The following SRPK2 variants were observed in gnomAD, a reference collection of about 807,000 sequenced individuals.
The protein encoded by SRPK2 is SFRS protein kinase 2.
A neutral mutation model predicts 90.8 loss-of-function variants in SRPK2; 21 were observed. The observed-to-expected ratio is 0.23, with a 90% CI of 0.16 to 0.33. SRPK2 has a LOEUF of 0.33. Ranked by LOEUF, SRPK2 falls within the 10% of genes least tolerant of loss-of-function variation. The probability of loss-of-function intolerance (pLI) is 1.00; values close to 1 mark genes in which losing one functional copy is unlikely to be tolerated. For synonymous variants in SRPK2, 288 were observed against 311.1 expected (o/e 0.93, Z 0.78); for missense variants, 620 against 869.0 (o/e 0.71, Z 3.60).
At chr7:105,392,023 A>G (rs565224612), upstream of SRPK2, among the ~76,000 whole-genome samples, 2 of 152,348 alleles carry the variant, frequency 1.3e-5, no homozygotes, top group South Asian at 4.1e-4. Flanking sequence ...TTTTGGCCAT[A>G]AAAAGAATTT....
At chr7:105,146,206 TCTC>T (rs1165143178) in intron 8 of SRPK2, among the ~76,000 whole-genome samples, 2 of 152,206 alleles carry the variant, frequency 1.3e-5, no homozygotes, top group East Asian at 1.9e-4. Flanking sequence ...GTTACTATGT[TCTC>T]CTCTGCAGAG....
At chr7:105,151,243 G>A (rs1477662813) in intron 7 of SRPK2, among the ~76,000 whole-genome samples, 6 of 152,156 alleles carry the variant, frequency 3.9e-5, no homozygotes, top group Non-Finnish European at 8.8e-5. Flanking sequence ...TGGCAACAGG[G>A]CAGCGTTAAA....
upstream of SRPK2, chr7:105,389,288 C>T (rs1389534860): frequency 1.6e-6 from 2 of 1,277,928 alleles, no homozygotes; most frequent in South Asian, 1.3e-5. Context: ...CCGTCCTTGG[C>T]CGGCGCCTCC....
At chr7:105,380,774 G>A (rs1057336215) in intron 2 of SRPK2, among the ~76,000 whole-genome samples, 2 of 151,434 alleles carry the variant, frequency 1.3e-5, no homozygotes, top group South Asian at 2.1e-4. Context: ...TGCCCACCTC[G>A]GCCTCCCAAA....
intron 2 of SRPK2, among the ~76,000 whole-genome samples, chr7:105,245,968 G>T (rs1448261533): frequency 6.6e-6 from 1 of 152,168 alleles, no homozygotes; most frequent in African/African-American, 2.4e-5. Flanking sequence ...CCCCACTGTT[G>T]TAGACCCTGG....
At chr7:105,198,431 G>A (rs1015794835) in intron 3 of SRPK2, among the ~76,000 whole-genome samples, 1 of 152,256 alleles carries the variant, frequency 6.6e-6, no homozygotes, top group East Asian at 1.9e-4. Flanking sequence ...CCCTGATCTT[G>A]GTAATCCCCA....
intron 2 of SRPK2, among the ~76,000 whole-genome samples, chr7:105,358,185 C>A (rs1470358013): frequency 1.5e-5 from 2 of 135,616 alleles, no homozygotes; most frequent in Non-Finnish European, 3.1e-5. Context: ...GATCACGCCA[C>A]TGCACTCCAG....
intron 15 of SRPK2, among the ~76,000 whole-genome samples, chr7:105,121,038 C>A (rs1429148358): frequency 6.6e-6 from 1 of 152,168 alleles, no homozygotes; most frequent in Non-Finnish European, 1.5e-5. Context: ...ATAAAAGTAG[C>A]ACCCTAACAA....
At chr7:105,370,597 T>A (rs1443283280) in intron 2 of SRPK2, among the ~76,000 whole-genome samples, 1 of 150,428 alleles carries the variant, frequency 6.6e-6, no homozygotes, top group Non-Finnish European at 1.5e-5. Flanking sequence ...CCAATTTTTT[T>A]AATTAATTTT....
At position 105,138,288 on chromosome 7, in the gene SRPK2, T is replaced by C. The variant is rs1399258646; in HGVS notation, c.1543+3720A>G. Reference sequence around the variant, plus strand: ...ACACTGCACTCTCCAAGAGTTCACATTCTAATGAGAAGACAGACAGTGACA... The same window carrying C: ...ACACTGCACTCTCCAAGAGTTCACACTCTAATGAGAAGACAGACAGTGACA... On this transcript the variant is annotated intron_variant, in intron 11 of 15. Coordinates refer to ENST00000393651, the MANE Select transcript of SRPK2 (RefSeq NM_182692.3). Among the ~76,000 whole-genome samples the C allele has an allele frequency of 6.6e-5, 10 of 152,258 alleles. No individual in the cohort carries two copies. The East Asian group carries it at 1.2e-3, about 18-fold the overall frequency.
chr7:105,190,469 G>C (rs747382928), intron 3 of SRPK2, among the ~76,000 whole-genome samples: 3 of 152,098 alleles, frequency 2.0e-5, no homozygotes, highest in South Asian at 2.1e-4. Context: ...GCTTGTCATT[G>C]AACAGCCTCT....
At chr7:105,358,366 G>C (rs1755584344) in intron 2 of SRPK2, among the ~76,000 whole-genome samples, 1 of 151,108 alleles carries the variant, frequency 6.6e-6, no homozygotes, top group African/African-American at 2.4e-5. Context: ...AATAAAACAA[G>C]ATAAACAAAA....
Position 105,334,917 on chromosome 7 carries a change from C to T in SRPK2, c.71+53731G>A, listed in dbSNP as rs151175142. On this transcript the variant is annotated intron_variant, in intron 2 of 15. Coordinates refer to ENST00000393651, the MANE Select transcript of SRPK2 (RefSeq NM_182692.3). ...GGGCGCAGTAGCTTATGCCTGTAAT[C>T]CCAGACTTTGGGAGGCCAAGGCGGG... 3.2e-3 allele frequency among the ~76,000 whole-genome samples: 485 copies of T among 150,970 alleles called. 23 individuals carry two copies. Among genetic ancestry groups the T allele is most frequent in the African/African-American group, 0.012 (467 of 40,586 alleles).
chr7:105,361,976 A>C (rs1305622504), intron 2 of SRPK2, among the ~76,000 whole-genome samples: 4 of 152,078 alleles, frequency 2.6e-5, no homozygotes, highest in Non-Finnish European at 4.4e-5. Context: ...ATTGAAAAAC[A>C]GGATCTAATT....
chr7:105,315,675 T>G (rs1477416136), intron 2 of SRPK2, among the ~76,000 whole-genome samples: 1 of 152,216 alleles, frequency 6.6e-6, no homozygotes, highest in African/African-American at 2.4e-5. Flanking sequence ...ACAACTTGAC[T>G]AGATAATCCC....
rs571281921 is a variant in SRPK2, at chr7:105,131,199, G to T, written c.1752+1592C>A. ...CAAAGAGTACTTAGCGCCTAATTCGGGGCAGCCCTGCTGCTAGTGGCCATT... is the reference window on the plus strand; with the variant it reads ...CAAAGAGTACTTAGCGCCTAATTCGTGGCAGCCCTGCTGCTAGTGGCCATT... On this transcript the variant is annotated intron_variant, in intron 13 of 15. Transcript: ENST00000393651. 8.9e-4 allele frequency among the ~76,000 whole-genome samples: 135 copies of T among 152,222 alleles called. 2 individuals are homozygous for T. Among genetic ancestry groups the T allele is most frequent in the Admixed American group, 1.6e-3 (24 of 15,288 alleles).
At chr7:105,250,817 A>T (rs1335840133) in intron 2 of SRPK2, among the ~76,000 whole-genome samples, 1 of 152,204 alleles carries the variant, frequency 6.6e-6, no homozygotes, top group Non-Finnish European at 1.5e-5. Context: ...AAACAAGTAG[A>T]TGAACCGCTT....
chr7:105,190,960 A>G (rs188837984), intron 3 of SRPK2, among the ~76,000 whole-genome samples: 2 of 152,306 alleles, frequency 1.3e-5, no homozygotes, highest in African/African-American at 4.8e-5. Flanking sequence ...AATTGTATGT[A>G]TGGGGTATGA....
intron 7 of SRPK2, among the ~76,000 whole-genome samples, chr7:105,149,530 G>A (rs1367592100): frequency 6.6e-6 from 1 of 152,158 alleles, no homozygotes; most frequent in Non-Finnish European, 1.5e-5. Flanking sequence ...GCAGGTCCTT[G>A]GTATGCTGGG....
Sources: gnomAD v4.1 joint callset for allele counts (sites outside exome capture counted in the v4.1 genomes callset) on GRCh38, gnomAD v4.1.1 for gene constraint, MANE v1.5 for transcripts, NCBI Gene and HGNC (gene_info 2026-07-23, HGNC 2026-07-21) for gene names.